EPHA5: variants seen among roughly 807,000 people sequenced by gnomAD.
EPHA5 encodes ephrin type-A receptor 5.
Under a neutral mutation model 105.0 loss-of-function variants are expected in EPHA5, and 60 were observed. That is an observed-to-expected ratio of 0.57 (90% confidence interval 0.46 to 0.71). The LOEUF (loss-of-function observed/expected upper bound fraction) is 0.71, where lower values mean the gene tolerates loss of function less well. EPHA5 is among the 30% of genes least tolerant of loss of function. EPHA5 has a pLI of 0.00. For synonymous variants in EPHA5, 513 were observed against 449.1 expected (o/e 1.14, Z -1.80); for missense variants, 1,218 against 1,274.7 (o/e 0.96, Z 0.68).
At chr4:65,446,171 T>A (rs1726506668) in intron 5 of EPHA5, among the ~76,000 whole-genome samples, 1 of 152,208 alleles carries the variant, frequency 6.6e-6, no homozygotes, top group Non-Finnish European at 1.5e-5. Flanking sequence ...CTTCAATAAC[T>A]ACAGATGTCT....
intron 1 of EPHA5, among the ~76,000 whole-genome samples, chr4:65,645,482 G>T (rs368308158): frequency 6.6e-6 from 1 of 152,074 alleles, no homozygotes; most frequent in African/African-American, 2.4e-5. Context: ...AGCCTACCAT[G>T]AGAAACACAG....
intron 5 of EPHA5, among the ~76,000 whole-genome samples, chr4:65,481,374 AGTTAAATC>A (rs1730348187): frequency 6.6e-6 from 1 of 152,190 alleles, no homozygotes. Flanking sequence ...TGAGGAAAAA[AGTTAAATC>A]ATGAGCATTG....
intron 1 of EPHA5, among the ~76,000 whole-genome samples, chr4:65,652,812 C>G (rs775052843): frequency 6.6e-6 from 1 of 152,038 alleles, no homozygotes; most frequent in Admixed American, 6.6e-5. Context: ...GGAAAAATCA[C>G]ATTTTCTAAT....
intron 14 of EPHA5, among the ~76,000 whole-genome samples, chr4:65,343,289 C>A (rs1721910464): frequency 6.6e-6 from 1 of 152,090 alleles, no homozygotes; most frequent in Admixed American, 6.6e-5. Context: ...CTGGTATTTA[C>A]CTAAAATCTC....
intron 8 of EPHA5, 133 bp from the exon 9 acceptor site, chr4:65,367,557 C>T (rs1279114768): frequency 5.4e-6 from 4 of 736,016 alleles, no homozygotes; most frequent in Admixed American, 2.2e-5. Context: ...TGGAATGATG[C>T]CAATACTAGT....
chr4:65,323,150 T>A lies in EPHA5; in HGVS notation c.*964A>T, dbSNP rs1719771354. On this transcript the variant is annotated 3_prime_UTR_variant, in exon 17 of 17. Transcript: ENST00000613740. ...CATTGTCACTGATATCACAAAATGT[T>A]TTTAAAAAGCCAAAGGGGATTTAGT... 4.4e-6 allele frequency: 1 copy of A among 228,668 alleles called. No individual in the cohort carries two copies. Among genetic ancestry groups the A allele is most frequent in the African/African-American group, 2.2e-5 (1 of 45,032 alleles). The allele number at this position is 228,668 out of a possible 1,614,324, so 14.2% of individuals were successfully genotyped here. A position where few individuals can be genotyped will look rare whatever the true frequency, so the allele number is the denominator to read the frequency against.
At chr4:65,642,823 G>T (rs1158370947) in intron 2 of EPHA5, among the ~76,000 whole-genome samples, 1 of 151,904 alleles carries the variant, frequency 6.6e-6, no homozygotes, top group African/African-American at 2.4e-5. Flanking sequence ...TGAATTGCAT[G>T]TGTACATGAT....
chr4:65,478,255 T>A, intron 5 of EPHA5, among the ~76,000 whole-genome samples: 1 of 152,186 alleles, frequency 6.6e-6, no homozygotes, highest in East Asian at 1.9e-4. Flanking sequence ...GTGAGGCCAA[T>A]ATAGATATAT....
intron 15 of EPHA5, among the ~76,000 whole-genome samples, chr4:65,334,468 T>C (rs1386121631): frequency 6.6e-6 from 1 of 151,908 alleles, no homozygotes; most frequent in African/African-American, 2.4e-5. Context: ...GAGAATAAAA[T>C]CATTGAAGGA....
chr4:65,325,151 C>T (rs1719955644), intron 16 of EPHA5, among the ~76,000 whole-genome samples: 1 of 151,198 alleles, frequency 6.6e-6, no homozygotes, highest in African/African-American at 2.4e-5. Context: ...AGGTAATTAC[C>T]TTATTGAACA....
intron 3 of EPHA5, among the ~76,000 whole-genome samples, chr4:65,495,814 T>A (rs1233657282): frequency 6.6e-6 from 1 of 152,190 alleles, no homozygotes; most frequent in Non-Finnish European, 1.5e-5. Flanking sequence ...ATTATATTGA[T>A]AAAAGGCAAA....
chr4:65,501,078 T>C (rs1454153854), intron 3 of EPHA5, among the ~76,000 whole-genome samples: 2 of 151,410 alleles, frequency 1.3e-5, no homozygotes, highest in African/African-American at 2.4e-5. Flanking sequence ...CAAAATAAGG[T>C]ACTCAGAAGA....
intron 5 of EPHA5, among the ~76,000 whole-genome samples, chr4:65,425,630 A>T (rs1347042318): frequency 6.6e-6 from 1 of 151,706 alleles, no homozygotes; most frequent in South Asian, 2.1e-4. Flanking sequence ...TATTTTAAAA[A>T]TAATAATTAT....
At chr4:65,650,072 C>T (rs1344318220) in intron 1 of EPHA5, among the ~76,000 whole-genome samples, 1 of 152,160 alleles carries the variant, frequency 6.6e-6, no homozygotes, top group African/African-American at 2.4e-5. Context: ...GTTTGTCCAT[C>T]TGTCTCTCCT....
intron 5 of EPHA5, among the ~76,000 whole-genome samples, chr4:65,461,896 C>T (rs150100201): frequency 0.011 from 1,723 of 152,014 alleles, 36 homozygotes; most frequent in African/African-American, 0.04. Flanking sequence ...AAAAGAAACC[C>T]AGGTCAAGTC....
chr4:65,468,565 A>T (rs1322669818), intron 5 of EPHA5, among the ~76,000 whole-genome samples: 39 of 52,408 alleles, frequency 7.4e-4, no homozygotes, highest in African/African-American at 3.0e-3. Context: ...TATATTATAT[A>T]TTATATATAT....
chr4:65,605,690 G>C (rs1477665482), intron 2 of EPHA5, among the ~76,000 whole-genome samples: 2 of 151,922 alleles, frequency 1.3e-5, no homozygotes, highest in African/African-American at 4.8e-5. Context: ...AGGTGCAACA[G>C]TAAGAAACTT....
At chr4:65,606,040 T>C (rs968665133) in intron 2 of EPHA5, among the ~76,000 whole-genome samples, 2 of 152,202 alleles carry the variant, frequency 1.3e-5, no homozygotes, top group African/African-American at 2.4e-5. Context: ...TTTGCCCATA[T>C]CTTCCTTTGT....
At position 65,332,080 on chromosome 4, in the gene EPHA5, G is replaced by A. The variant is rs1444978371; in HGVS notation, c.2838C>T (p.Tyr946=). 6.2e-7 allele frequency: 1 copy of A among 1,611,164 alleles called. No homozygotes were observed. Among genetic ancestry groups the A allele is most frequent in the South Asian group, 1.1e-5 (1 of 90,956 alleles). The change falls in exon 16 of 17, where the codon TAC becomes TAT. Residue 946 remains tyrosine, a synonymous_variant. Transcript: ENST00000613740. ...CCTCTAGCCATTCACCTACTGATCT[G>A]TAGGCCCCAGATCCTAGTGGGCTAT... The part of the protein sequence containing the change: ...AEHSPLGSGA[Y]RSVGEWLEAI...
Sources: gnomAD v4.1 joint callset for allele counts (sites outside exome capture counted in the v4.1 genomes callset) on GRCh38, gnomAD v4.1.1 for gene constraint, MANE v1.5 for transcripts, NCBI Gene and HGNC (gene_info 2026-07-23, HGNC 2026-07-21) for gene names.